FAM193A: variants seen among roughly 807,000 people sequenced by gnomAD.
The protein encoded by FAM193A is protein FAM193A.
In FAM193A, 22 loss-of-function variants were observed where a neutral mutation model predicts 126.5. The ratio of observed to expected loss-of-function variants is 0.17; its 90% CI spans 0.12 to 0.25. The LOEUF is 0.25. Ranked by LOEUF, FAM193A falls within the 10% of genes least tolerant of loss-of-function variation. The pLI, the probability that FAM193A is intolerant of heterozygous loss-of-function variation, is 1.00. For missense variants in FAM193A, 1,675 were observed against 1,672.8 expected (o/e 1.00, Z -0.02); for synonymous variants, 761 against 646.8 (o/e 1.18, Z -2.68).
At chr4:2,545,921 G>A (rs1343262750) in intron 1 of FAM193A, among the ~76,000 whole-genome samples, 6 of 152,200 alleles carry the variant, frequency 3.9e-5, no homozygotes, top group Non-Finnish European at 5.9e-5. Flanking sequence ...AGGCTGAGGC[G>A]GGCGGATTAT....
chr4:2,707,788 C>T (rs1718475030), intron 19 of FAM193A, among the ~76,000 whole-genome samples: 1 of 150,402 alleles, frequency 6.6e-6, no homozygotes, highest in African/African-American at 2.5e-5. Context: ...TCTCGGCTCA[C>T]TGCAACCTCT....
intron 1 of FAM193A, among the ~76,000 whole-genome samples, chr4:2,584,017 CAAG>C (rs1222987493): frequency 6.6e-6 from 1 of 152,094 alleles, no homozygotes; most frequent in Non-Finnish European, 1.5e-5. Context: ...TTTGGGGTCT[CAAG>C]AGATCTTTGT....
At position 2,646,802 on chromosome 4, in the gene FAM193A, G is replaced by T. The variant is rs1192424413; in HGVS notation, c.1281G>T (p.Gln427His). 1 of 1,613,426 alleles carries T rather than the reference G, an allele frequency of 6.2e-7. No individual in the cohort carries two copies. Residue 427 changes from glutamine (Q) to histidine (H), a missense_variant, in exon 7 of 21, where the codon CAG (glutamine) becomes CAT (histidine). Gln to His is a conservative substitution (Grantham distance 24). Around this residue, in one of 4 missense-constraint regions of FAM193A, gnomAD observed 1,186 missense variants for 1,109.2 expected, o/e 1.07. Transcript: ENST00000637812. ...TCGCCGAGGAGTGGCTGGAGTGCCA[G>T]AAGAGGATCGACGCCTATGTCGACG... ...RRVAEEWLEC[Q>H]KRIDAYVDEQ... is the part of the protein sequence containing the mutation.
At chr4:2,571,129 C>G (rs929853832) in intron 1 of FAM193A, among the ~76,000 whole-genome samples, 1 of 152,232 alleles carries the variant, frequency 6.6e-6, no homozygotes, top group Non-Finnish European at 1.5e-5. Flanking sequence ...GGCCCCAGCC[C>G]TTCCTCCTGG....
At chr4:2,699,450 A>G (rs372579194) in intron 18 of FAM193A, among the ~76,000 whole-genome samples, 3 of 69,596 alleles carry the variant, frequency 4.3e-5, no homozygotes, top group Non-Finnish European at 9.5e-5. Context: ...CCCCCCCCAC[A>G]CACACACACA....
In FAM193A at chr4:2,690,887, C is replaced by T. The variant is rs1462072371; in HGVS notation, c.2720C>T (p.Thr907Met). The change falls in exon 15 of 21, where the codon ACG (threonine) becomes ATG (methionine). Residue 907 changes from threonine (T) to methionine (M), a missense_variant. This residue lies in a region of FAM193A where 1,186 missense variants were observed against 1,109.2 expected (regional missense o/e 1.07). Coordinates refer to ENST00000637812, the MANE Select transcript of FAM193A (RefSeq NM_001366318.2). Reference protein sequence around the residue: ...NKVVMATSSATSSVSCTATTV... With the variant: ...NKVVMATSSAMSSVSCTATTV... ...GTTGTCATGGCCACGTCATCAGCCA[C>T]GTCCTCTGTGTCCTGCACAGCTACC... The T allele has an allele frequency of 3.9e-5, 63 of 1,614,184 alleles. No homozygotes were observed. Among genetic ancestry groups the T allele is most frequent in the Non-Finnish European group, 4.9e-5 (58 of 1,179,988 alleles).
At chr4:2,545,979 C>G (rs1737521672) in intron 1 of FAM193A, among the ~76,000 whole-genome samples, 3 of 152,076 alleles carry the variant, frequency 2.0e-5, no homozygotes, top group Admixed American at 2.0e-4. Context: ...GAAATCGTGT[C>G]TCTACTAAAA....
At chr4:2,620,836 CAAAAAAAAA>C (rs34305537) in intron 2 of FAM193A, among the ~76,000 whole-genome samples, 1 of 69,100 alleles carries the variant, frequency 1.4e-5, no homozygotes, top group Non-Finnish European at 2.7e-5. Flanking sequence ...AACTCCGTCT[CAAAAAAAAA>C]AAAAAAAAAA....
At chr4:2,699,134 A>G (rs925280824) in intron 18 of FAM193A, among the ~76,000 whole-genome samples, 1 of 152,180 alleles carries the variant, frequency 6.6e-6, no homozygotes, top group East Asian at 1.9e-4. Flanking sequence ...CTAGGATCAC[A>G]GGTGTGAGCC....
intron 1 of FAM193A, among the ~76,000 whole-genome samples, chr4:2,578,285 G>A (rs569514249): frequency 1.2e-4 from 19 of 152,122 alleles, no homozygotes; most frequent in African/African-American, 4.1e-4. Flanking sequence ...TTTGCTACCC[G>A]TGCATTTTTT....
At chr4:2,591,381 A>G (rs1740563358) in intron 1 of FAM193A, among the ~76,000 whole-genome samples, 1 of 152,164 alleles carries the variant, frequency 6.6e-6, no homozygotes, top group African/African-American at 2.4e-5. Flanking sequence ...GGCAGCAGGA[A>G]CAATCGAAGG....
chr4:2,538,419 G>A (rs113206472), intron 1 of FAM193A, among the ~76,000 whole-genome samples: 1 of 152,004 alleles, frequency 6.6e-6, no homozygotes, highest in East Asian at 1.9e-4. Context: ...TCTCGAACTC[G>A]TGATCTCAGG....
chr4:2,661,233 A>G (rs888412054), intron 10 of FAM193A, among the ~76,000 whole-genome samples: 11 of 152,304 alleles, frequency 7.2e-5, no homozygotes, highest in South Asian at 6.2e-4. Flanking sequence ...CTTGTGATCA[A>G]TGTCTTCCAA....
chr4:2,645,588 G>A (rs780866848), intron 6 of FAM193A, among the ~76,000 whole-genome samples: 1 of 151,680 alleles, frequency 6.6e-6, no homozygotes, highest in South Asian at 2.1e-4. Flanking sequence ...GTGCAGTGGC[G>A]CGATCTCGGC....
intron 2 of FAM193A, among the ~76,000 whole-genome samples, chr4:2,619,879 T>G (rs780353354): frequency 2.4e-4 from 36 of 152,000 alleles, no homozygotes; most frequent in Non-Finnish European, 4.9e-4. Context: ...TTAGTAGAGT[T>G]GGGATTTTGC....
intron 6 of FAM193A, among the ~76,000 whole-genome samples, chr4:2,645,461 G>A (rs1448377605): frequency 6.6e-6 from 1 of 152,056 alleles, no homozygotes; most frequent in African/African-American, 2.4e-5. Flanking sequence ...CCACCTGCAT[G>A]TGTGTCTTTT....
chr4:2,586,631 G>A (rs1032327104), intron 1 of FAM193A, among the ~76,000 whole-genome samples: 6 of 152,066 alleles, frequency 3.9e-5, no homozygotes, highest in African/African-American at 1.4e-4. Context: ...TGAGCGGCCA[G>A]TACCACACTC....
intron 20 of FAM193A, among the ~76,000 whole-genome samples, chr4:2,731,224 A>C (rs1197145995): frequency 7.4e-6 from 1 of 135,676 alleles, no homozygotes; most frequent in African/African-American, 2.8e-5. Context: ...AAAAAAAAAA[A>C]CCGGTGTGGT....
chr4:2,687,065 TG>T (rs1434735250), intron 13 of FAM193A, among the ~76,000 whole-genome samples: 7 of 151,956 alleles, frequency 4.6e-5, no homozygotes, highest in Admixed American at 6.6e-5. Context: ...GAGTCCTGAG[TG>T]TCTGCTCTAC....
Sources: allele counts gnomAD v4.1 joint callset (sites outside exome capture counted in the v4.1 genomes callset), GRCh38; gene constraint gnomAD v4.1.1; regional missense constraint gnomAD v4.1.1; transcripts MANE v1.5; gene names NCBI Gene and HGNC (gene_info 2026-07-23, HGNC 2026-07-21).